The following UMODL1 variants were observed in gnomAD, a reference collection of about 807,000 sequenced individuals.
UMODL1 encodes uromodulin-like 1.
UMODL1 carries 128 observed loss-of-function variants against 136.3 expected under a neutral mutation model. That is an observed-to-expected ratio of 0.94 (90% CI 0.81 to 1.09). The LOEUF is 1.09. Ranked by LOEUF, UMODL1 falls within the 50% of genes least tolerant of loss-of-function variation. The pLI, the probability that UMODL1 is intolerant of heterozygous loss-of-function variation, is 0.00. For missense variants in UMODL1, 1,766 were observed against 1,725.6 expected, an observed-to-expected ratio of 1.02 and a Z score of -0.41; for synonymous variants, 721 against 720.0, an observed-to-expected ratio of 1.00 and a Z score of -0.02.
At position 42,103,198 on chromosome 21, in the gene UMODL1, C is replaced by A. The variant is rs539848162; in HGVS notation, c.1300-670C>A. ...GGAAAGATATTCTGGAACAAAAGGG[C>A]AGTTAGTGCGTCTACTTGCAAGATG... On this transcript the variant is annotated intron_variant, in intron 8 of 22. Coordinates refer to ENST00000408910, the MANE Select transcript of UMODL1 (RefSeq NM_001004416.3). The A allele has an allele frequency of 4.8e-5, 9 of 188,872 alleles. No homozygotes were observed. The South Asian group carries it at 1.0e-3, about 22-fold the overall frequency. 11.7% of individuals were successfully genotyped at this position (188,872 alleles called of 1,614,324 possible).
intron 1 of UMODL1, among the ~76,000 whole-genome samples, chr21:42,073,804 G>A (rs1297487201): frequency 6.8e-6 from 1 of 147,772 alleles, no homozygotes; most frequent in Non-Finnish European, 1.5e-5. Flanking sequence ...CCATCTCTGT[G>A]TTCCTCCCCA....
chr21:42,093,370 A>C (rs1475911), intron 6 of UMODL1: 30,329 of 153,100 alleles, frequency 0.2, 3,362 homozygotes, highest in East Asian at 0.37. Flanking sequence ...GCCATGCGCC[A>C]CCACAGCTGG....
intron 1 of UMODL1, chr21:42,063,253 A>G (rs1455479675): frequency 6.6e-6 from 1 of 152,254 alleles, no homozygotes; most frequent in East Asian, 1.9e-4. Flanking sequence ...TTAGGATTGG[A>G]CATATCTTTT....
intron 2 of UMODL1, among the ~76,000 whole-genome samples, chr21:42,081,798 A>G (rs2066365460): frequency 6.6e-6 from 1 of 152,126 alleles, no homozygotes; most frequent in African/African-American, 2.4e-5. Flanking sequence ...TCCATAGTTT[A>G]TTTGGATTCC....
chr21:42,092,425 T>C (rs1033709670), intron 6 of UMODL1, among the ~76,000 whole-genome samples: 6 of 152,012 alleles, frequency 3.9e-5, no homozygotes, highest in African/African-American at 1.4e-4. Context: ...TAAATCCTGC[T>C]ACATGTGTAA....
chr21:42,109,145 A>C (rs2066778302), intron 9 of UMODL1, among the ~76,000 whole-genome samples: 1 of 146,446 alleles, frequency 6.8e-6, no homozygotes, highest in Non-Finnish European at 1.5e-5. Flanking sequence ...CCATGCGGAA[A>C]GTTCACGTTA....
chr21:42,107,222 T>C (rs924318624), intron 9 of UMODL1, among the ~76,000 whole-genome samples: 7 of 152,252 alleles, frequency 4.6e-5, no homozygotes, highest in Non-Finnish European at 4.4e-5. Context: ...GGGTCATCAC[T>C]GGGCTTCTAT....
At chr21:42,138,144 C>T (rs530454746) in intron 22 of UMODL1, among the ~76,000 whole-genome samples, 2 of 152,306 alleles carry the variant, frequency 1.3e-5, no homozygotes, top group African/African-American at 4.8e-5. Flanking sequence ...GGTCCTGAGC[C>T]TCTTGGTGCC....
rs1321499069 is a variant in UMODL1, at chr21:42,076,025, G to T, written c.97G>T (p.Gly33Cys). 8 of 1,613,936 alleles carry T rather than the reference G, an allele frequency of 5.0e-6. No homozygotes were observed. Reference protein sequence around the residue: ...GFTEKGLSLLGYQLCSHRVTH... With the variant: ...GFTEKGLSLLCYQLCSHRVTH... ...TTCAGAAAAAGGCCTCTCCCTGTTGGGCTACCAGCTATGCAGCCACCGTGT... is the reference window on the plus strand; with the variant it reads ...TTCAGAAAAAGGCCTCTCCCTGTTGTGCTACCAGCTATGCAGCCACCGTGT... Residue 33 changes from glycine to cysteine, a missense_variant, in exon 2 of 23, where the codon GGC becomes TGC. Transcript: ENST00000408910.
At chr21:42,135,406 G>T (rs1167897700) in intron 21 of UMODL1, among the ~76,000 whole-genome samples, 1 of 152,270 alleles carries the variant, frequency 6.6e-6, no homozygotes, top group East Asian at 1.9e-4. Flanking sequence ...TAGTGGTTCA[G>T]TTCGGAGCAC....
chr21:42,075,243 G>A (rs1011238501), intron 1 of UMODL1, among the ~76,000 whole-genome samples: 1 of 49,014 alleles, frequency 2.0e-5, no homozygotes, highest in Non-Finnish European at 4.5e-5. Flanking sequence ...GCTGGAGATG[G>A]GGGGGGGGTT....
At chr21:42,076,614 G>A (rs1165630524) in intron 2 of UMODL1, among the ~76,000 whole-genome samples, 1 of 152,162 alleles carries the variant, frequency 6.6e-6, no homozygotes, top group Non-Finnish European at 1.5e-5. Flanking sequence ...TTGGCCCGGG[G>A]CGTTGAGAGA....
At position 42,123,163 on chromosome 21, in the gene UMODL1, G is replaced by T. The variant is rs758205876; in HGVS notation, c.3147+13G>T. On this transcript the variant is annotated intron_variant, in intron 17 of 22. Transcript: ENST00000408910. The surrounding 1 kb of genome is among the most constrained non-coding windows in gnomAD (Gnocchi z 4.4). ...CCTCATGCAGAGCGTAAGACCAGGA[G>T]AGCCAGGCTCAGGATGTACACTAGG... The T allele has an allele frequency of 1.9e-6, 3 of 1,602,448 alleles. No homozygotes were observed. The East Asian group carries it at 6.7e-5, about 36-fold the overall frequency.
chr21:42,120,372 T>C (rs1300258194), intron 15 of UMODL1: 1 of 152,254 alleles, frequency 6.6e-6, no homozygotes, highest in Admixed American at 6.5e-5. Context: ...GTTTGGACCG[T>C]AGTTTAAATA....
At chr21:42,135,604 G>A (rs1445282921) in intron 21 of UMODL1, among the ~76,000 whole-genome samples, 8 of 152,200 alleles carry the variant, frequency 5.3e-5, no homozygotes, top group African/African-American at 1.4e-4. Flanking sequence ...CCCGTCACTC[G>A]AGGCCCAGGA....
At chr21:42,094,187 CAAAG>C (rs1174087653) in intron 6 of UMODL1, among the ~76,000 whole-genome samples, 1 of 152,220 alleles carries the variant, frequency 6.6e-6, no homozygotes, top group Admixed American at 6.5e-5. Flanking sequence ...CCGCCAAACA[CAAAG>C]AGGGGAGGCT....
At position 42,116,003 on chromosome 21, in the gene UMODL1, G is replaced by T; in HGVS notation, c.2475+18G>T. The T allele has an allele frequency of 6.3e-7, 1 of 1,593,318 alleles. No homozygotes were observed. Among genetic ancestry groups the T allele is most frequent in the Non-Finnish European group, 8.6e-7 (1 of 1,161,828 alleles). ...TCAGGATGGTGAGTTGGTGATATCAGCCCTTAATTCCTTTCAGGAGGGAAA... is the reference window on the plus strand; with the variant it reads ...TCAGGATGGTGAGTTGGTGATATCATCCCTTAATTCCTTTCAGGAGGGAAA... On this transcript the variant is annotated intron_variant, in intron 14 of 22. Transcript: ENST00000408910.
At chr21:42,135,896 C>T (rs1204502582) in intron 21 of UMODL1, among the ~76,000 whole-genome samples, 1 of 152,160 alleles carries the variant, frequency 6.6e-6, no homozygotes, top group African/African-American at 2.4e-5. Context: ...GGACACACAG[C>T]AGCGTCCACT....
At chr21:42,132,966 T>G (rs142035792) in intron 21 of UMODL1, among the ~76,000 whole-genome samples, 1 of 152,386 alleles carries the variant, frequency 6.6e-6, no homozygotes, top group East Asian at 1.9e-4. Context: ...AGCACTACAC[T>G]GGCATAACCA....
Sources: allele counts gnomAD v4.1 joint callset (sites outside exome capture counted in the v4.1 genomes callset), GRCh38; gene constraint gnomAD v4.1.1; non-coding constraint Gnocchi (gnomAD v3.1); transcripts MANE v1.5; gene names NCBI Gene and HGNC (gene_info 2026-07-23, HGNC 2026-07-21).